Variants in CSMD1 observed in about 807,000 individuals in gnomAD.
The protein encoded by CSMD1 is CUB and Sushi multiple domains 1.
In CSMD1, 213 loss-of-function variants were observed where a neutral mutation model predicts 417.5. That is an observed-to-expected ratio of 0.51 (90% confidence interval 0.46 to 0.57). CSMD1 has a LOEUF of 0.57. Ranked by LOEUF, CSMD1 falls within the 20% of genes least tolerant of loss-of-function variation. The pLI is 0.00. For synonymous variants in CSMD1, 2,862 were observed against 1,736.8 expected, an observed-to-expected ratio of 1.65 and a Z score of -16.11; for missense variants, 6,923 against 4,529.7, an observed-to-expected ratio of 1.53 and a Z score of -15.17.
chr8:4,573,712 C>T (rs972575405), intron 2 of CSMD1, among the ~76,000 whole-genome samples: 4 of 152,238 alleles, frequency 2.6e-5, no homozygotes, highest in Non-Finnish European at 4.4e-5. Flanking sequence ...TCTGCTGAAG[C>T]TGCACCCACA....
chr8:3,378,949 G>A (rs991553553), intron 18 of CSMD1, among the ~76,000 whole-genome samples: 1 of 152,220 alleles, frequency 6.6e-6, no homozygotes, highest in Non-Finnish European at 1.5e-5. Context: ...AAGAGATGAA[G>A]TCAAATTGTC....
chr8:4,573,110 C>T (rs574514319), intron 2 of CSMD1, among the ~76,000 whole-genome samples: 7 of 152,262 alleles, frequency 4.6e-5, no homozygotes, highest in African/African-American at 1.4e-4. Context: ...CTTCTGAAGC[C>T]TACTTCTGTC....
At chr8:4,097,620 T>C (rs1252845452) in intron 3 of CSMD1, among the ~76,000 whole-genome samples, 2 of 152,228 alleles carry the variant, frequency 1.3e-5, no homozygotes, top group African/African-American at 4.8e-5. Flanking sequence ...GGAGATAAGC[T>C]ATCTGCAACA....
intron 1 of CSMD1, among the ~76,000 whole-genome samples, chr8:4,827,958 C>G (rs188489995): frequency 3.3e-4 from 51 of 152,268 alleles, no homozygotes; most frequent in Non-Finnish European, 6.5e-4. Context: ...AGTATGCTGA[C>G]TAAAACTTAG....
intron 5 of CSMD1, among the ~76,000 whole-genome samples, chr8:3,902,696 C>T (rs1011171993): frequency 6.6e-6 from 1 of 152,118 alleles, no homozygotes; most frequent in Non-Finnish European, 1.5e-5. Flanking sequence ...TCTTAACAGG[C>T]TGTGGACTGG....
chr8:3,834,785 A>G (rs1241277395), intron 5 of CSMD1, among the ~76,000 whole-genome samples: 1 of 152,090 alleles, frequency 6.6e-6, no homozygotes, highest in Non-Finnish European at 1.5e-5. Context: ...AAGGCAACCT[A>G]CAAAATGGGA....
intron 1 of CSMD1, among the ~76,000 whole-genome samples, chr8:4,929,875 C>T (rs939694180): frequency 1.3e-5 from 2 of 152,170 alleles, no homozygotes; most frequent in African/African-American, 4.8e-5. Flanking sequence ...AGGCACTTGG[C>T]ACCACAGAAT....
At chr8:4,800,448 A>C (rs1487827174) in intron 1 of CSMD1, among the ~76,000 whole-genome samples, 3 of 152,070 alleles carry the variant, frequency 2.0e-5, no homozygotes, top group Non-Finnish European at 4.4e-5. Context: ...CAAAAAAAAA[A>C]AAAAAAGGAA....
chr8:4,604,898 C>T (rs543994021), intron 2 of CSMD1, among the ~76,000 whole-genome samples: 5 of 152,256 alleles, frequency 3.3e-5, no homozygotes, highest in African/African-American at 9.6e-5. Context: ...TGACGGTGTT[C>T]GGGGTTCAGA....
intron 5 of CSMD1, among the ~76,000 whole-genome samples, chr8:3,977,622 G>C (rs971967404): frequency 2.6e-5 from 4 of 152,206 alleles, no homozygotes; most frequent in African/African-American, 7.2e-5. Context: ...GCTAAGAAGA[G>C]CATTGCCACT....
intron 17 of CSMD1, among the ~76,000 whole-genome samples, chr8:3,390,767 G>A (rs567214233): frequency 6.6e-6 from 1 of 152,014 alleles, no homozygotes; most frequent in African/African-American, 2.4e-5. Context: ...CTCATACGGA[G>A]GTACATTTGA....
At chr8:3,968,078 T>C (rs1192924359) in intron 5 of CSMD1, among the ~76,000 whole-genome samples, 1 of 147,726 alleles carries the variant, frequency 6.8e-6, no homozygotes, top group African/African-American at 2.5e-5. Flanking sequence ...TCCCAGCTCC[T>C]CGGCAGGCTG....
intron 1 of CSMD1, among the ~76,000 whole-genome samples, chr8:4,709,247 G>A (rs1808140088): frequency 1.3e-5 from 2 of 152,212 alleles, no homozygotes; most frequent in South Asian, 2.1e-4. Flanking sequence ...GTAGACTGGT[G>A]TGGGGAGTAG....
chr8:4,040,138 T>G (rs914210186), intron 3 of CSMD1, among the ~76,000 whole-genome samples: 8 of 152,280 alleles, frequency 5.3e-5, no homozygotes, highest in African/African-American at 1.7e-4. Context: ...TTAAAGGGTA[T>G]GAGAGTCAAG....
chr8:4,304,752 A>G (rs1162930937), intron 3 of CSMD1, among the ~76,000 whole-genome samples: 3 of 152,214 alleles, frequency 2.0e-5, no homozygotes, highest in Non-Finnish European at 4.4e-5. Context: ...AAAAGACCAA[A>G]AAATAAATAT....
At chr8:4,563,880 A>G (rs185176241) in intron 2 of CSMD1, among the ~76,000 whole-genome samples, 1 of 152,308 alleles carries the variant, frequency 6.6e-6, no homozygotes, top group East Asian at 1.9e-4. Context: ...GCGAAGTAAC[A>G]AAAGAAGTGT....
At chr8:4,898,627 T>C (rs182020968) in intron 1 of CSMD1, among the ~76,000 whole-genome samples, 1 of 151,948 alleles carries the variant, frequency 6.6e-6, no homozygotes, top group Admixed American at 6.5e-5. Context: ...TGGAATGAAA[T>C]TTTTTTTATG....
chr8:4,493,383 A>G (rs1173250898), intron 2 of CSMD1, among the ~76,000 whole-genome samples: 1 of 152,262 alleles, frequency 6.6e-6, no homozygotes, highest in South Asian at 2.1e-4. Context: ...AAGGATTACT[A>G]CTGATACAAA....
At position 3,839,835 on chromosome 8, in the gene CSMD1, G is replaced by C. The variant is rs1009011672; in HGVS notation, c.819-85793C>G. On this transcript the variant is annotated intron_variant, in intron 5 of 69. Coordinates refer to ENST00000635120, the MANE Select transcript of CSMD1 (RefSeq NM_033225.6). ...AGACCAAAGTGCACAGCTAAATGGA[G>C]GGAACATTATGGCCTCTTCTACGGG... Among the ~76,000 whole-genome samples, 6 of 151,848 alleles carry C rather than the reference G, an allele frequency of 4.0e-5. No homozygotes were observed. In the Admixed American group the frequency reaches 4.0e-4, roughly 10 times the overall value.
Sources: allele counts gnomAD v4.1 joint callset (sites outside exome capture counted in the v4.1 genomes callset), GRCh38; gene constraint gnomAD v4.1.1; transcripts MANE v1.5; gene names NCBI Gene and HGNC (gene_info 2026-07-23, HGNC 2026-07-21).